Variants in AASDH observed in about 807,000 individuals in gnomAD.
AASDH encodes the protein beta-alanine-activating enzyme.
A neutral mutation model predicts 102.3 loss-of-function variants in AASDH; 81 were observed. That is an observed-to-expected ratio of 0.79 (90% CI 0.66 to 0.95). AASDH has a LOEUF of 0.95. Ranked by LOEUF, AASDH falls within the 40% of genes least tolerant of loss-of-function variation. The pLI, the probability that AASDH is intolerant of heterozygous loss-of-function variation, is 0.00. For synonymous variants in AASDH, 398 were observed against 454.0 expected, an observed-to-expected ratio of 0.88 and a Z score of 1.57; for missense variants, 1,203 against 1,266.2, an observed-to-expected ratio of 0.95 and a Z score of 0.76.
rs936686631 is a variant in AASDH at position 56,343,666 on chromosome 4, T to C, written c.2671A>G (p.Lys891Glu). 2 of 1,608,752 alleles carry C rather than the reference T, an allele frequency of 1.2e-6. No individual in the cohort carries two copies. The highest frequency in any genetic ancestry group is 1.7e-6 in the Non-Finnish European group (2 of 1,177,928). ...AAGACAGTTCCTCCACATTTTGACT[T>C]CCAAACACACTTCTTTCTCTGCAAA... ...LDIYRKKCVW[K>E]SKCGGTVFSS... Residue 891 changes from lysine to glutamate, a missense_variant, in exon 13 of 15, where the codon AAG (lysine) becomes GAG (glutamate). By Grantham distance (56) the Lys-to-Glu change is moderately conservative. Transcript: ENST00000205214.
intron 5 of AASDH, among the ~76,000 whole-genome samples, chr4:56,368,254 C>T (rs1272827357): frequency 1.3e-5 from 2 of 152,168 alleles, no homozygotes; most frequent in African/African-American, 2.4e-5. Flanking sequence ...AATAGGAACA[C>T]TTTTACACTG....
At chr4:56,344,397 C>A (rs1309214012) in intron 12 of AASDH, among the ~76,000 whole-genome samples, 1 of 152,072 alleles carries the variant, frequency 6.6e-6, no homozygotes, top group Non-Finnish European at 1.5e-5. Flanking sequence ...TTATTAAATT[C>A]ATGAACTATT....
chr4:56,376,105 C>A (rs11133438), intron 4 of AASDH, among the ~76,000 whole-genome samples: 2 of 149,874 alleles, frequency 1.3e-5, no homozygotes, highest in Admixed American at 1.3e-4. Context: ...ATCACTGCAG[C>A]CTTGACCTCC....
intron 5 of AASDH, among the ~76,000 whole-genome samples, chr4:56,364,379 T>C (rs951757715): frequency 2.6e-5 from 4 of 151,974 alleles, no homozygotes; most frequent in Admixed American, 2.6e-4. Flanking sequence ...ACCACAAAGA[T>C]ACTCTTCAAG....
At chr4:56,351,917 CA>C (rs34850926) in intron 9 of AASDH, among the ~76,000 whole-genome samples, 34,787 of 99,238 alleles carry the variant, frequency 0.35, 4,285 homozygotes, top group East Asian at 0.49. Context: ...ACCCTATCTC[CA>C]AAAAAAAAAA....
At chr4:56,355,575 G>A (rs1353808060) in intron 5 of AASDH, 152 bp from the exon 6 acceptor site, 3 of 568,066 alleles carry the variant, frequency 5.3e-6, no homozygotes, top group Non-Finnish European at 5.8e-6. Context: ...AAAACTACTG[G>A]TGCAACATTA....
chr4:56,378,442 G>A lies in AASDH; in HGVS notation c.374C>T (p.Thr125Ile), dbSNP rs199904299. 15 of 1,599,290 alleles carry A rather than the reference G, an allele frequency of 9.4e-6. No individual in the cohort carries two copies. In the East Asian group the frequency reaches 2.5e-4, roughly 26 times the overall value. ...TGTAAATGTATCATAGTTCAATAAT[G>A]TTTCATGAAAAGATTTAAATTTCTG... ...QINKFKSFHE[T>I]LLNYDTFTVE... The change falls in exon 4 of 15, where the codon ACA (threonine) becomes ATA (isoleucine). Residue 125 changes from threonine to isoleucine, a missense_variant. Coordinates refer to ENST00000205214, the MANE Select transcript of AASDH (RefSeq NM_181806.4).
chr4:56,350,807 G>A (rs1422852764), intron 10 of AASDH, among the ~76,000 whole-genome samples: 1 of 152,056 alleles, frequency 6.6e-6, no homozygotes, highest in Non-Finnish European at 1.5e-5. Flanking sequence ...TCTATTTTTA[G>A]ACAAGGCTAC....
At chr4:56,338,932 T>C in intron 14 of AASDH, 141 bp from the exon 15 acceptor site, 2 of 833,950 alleles carry the variant, frequency 2.4e-6, no homozygotes, top group South Asian at 3.8e-5. Flanking sequence ...AATGGCTTTT[T>C]CTGAAAAGTA....
At position 56,338,772 on chromosome 4, in the gene AASDH, C is replaced by T. The variant is rs1747229780; in HGVS notation, c.2927G>A (p.Ser976Asn). ...ACACGGGGATGAAAAGATTGGTCCACTGGTAGAGAACTGCCAAACCTATAA... is the reference window on the plus strand; with the variant it reads ...ACACGGGGATGAAAAGATTGGTCCATTGGTAGAGAACTGCCAAACCTATAA... ...FGEQVWQFST[S>N]GPIFSSPCTS... Residue 976 changes from serine to asparagine, a missense_variant, in exon 15 of 15, where the codon AGT (serine) becomes AAT (asparagine). By Grantham distance (46) the Ser-to-Asn change is conservative (BLOSUM62 1). Transcript: ENST00000205214. 4.3e-6 allele frequency: 7 copies of T among 1,614,024 alleles called. No individual in the cohort carries two copies. The highest frequency in any genetic ancestry group is 5.9e-6 in the Non-Finnish European group (7 of 1,179,996).
intron 11 of AASDH, among the ~76,000 whole-genome samples, chr4:56,346,825 T>A (rs976362962): frequency 3.3e-5 from 5 of 152,044 alleles, no homozygotes; most frequent in Non-Finnish European, 7.4e-5. Context: ...GGCAGATCGC[T>A]TGAGCCCAGG....
intron 5 of AASDH, chr4:56,356,318 T>C (rs1466465368): frequency 1.2e-5 from 17 of 1,412,998 alleles, no homozygotes; most frequent in African/African-American, 7.1e-5. Context: ...CTCTATCAGG[T>C]TGCAGCGGCA....
chr4:56,358,775 G>A (rs1749925159), intron 5 of AASDH, among the ~76,000 whole-genome samples: 1 of 152,048 alleles, frequency 6.6e-6, no homozygotes, highest in Non-Finnish European at 1.5e-5. Flanking sequence ...ATGTGCCAAT[G>A]TGCTTAAAAA....
At chr4:56,380,096 T>C (rs1384887011) in intron 3 of AASDH, among the ~76,000 whole-genome samples, 3 of 152,222 alleles carry the variant, frequency 2.0e-5, no homozygotes, top group African/African-American at 7.2e-5. Context: ...GGATATACTA[T>C]ATGGTCCTGA....
intron 1 of AASDH, among the ~76,000 whole-genome samples, chr4:56,385,202 AC>A (rs1343346913): frequency 6.6e-6 from 1 of 152,174 alleles, no homozygotes; most frequent in Non-Finnish European, 1.5e-5. Context: ...AAAGCAAAAA[AC>A]CCTATTCCTA....
rs183549178 is a variant in AASDH, at chr4:56,349,868, T to A, written c.1883A>T (p.Gln628Leu). 1.9e-6 allele frequency: 3 copies of A among 1,614,180 alleles called. No individual in the cohort carries two copies. The East Asian group carries it at 6.7e-5, about 36-fold the overall frequency. ...CACATCTTCATCTGGAACCACTGTT[T>A]GAAGGATGTGATTATAAATCTCTAA... The part of the protein sequence containing the change: ...SILEIYNHIL[Q>L]TVVPDEDVTF... Residue 628 changes from glutamine (Q) to leucine (L), a missense_variant, in exon 11 of 15, where the codon CAA (glutamine) becomes CTA (leucine). Gln to Leu is a moderately radical substitution (Grantham distance 113, BLOSUM62 -2). Transcript: ENST00000205214.
intron 5 of AASDH, among the ~76,000 whole-genome samples, chr4:56,366,398 C>T (rs143457917): frequency 6.6e-6 from 1 of 152,238 alleles, no homozygotes; most frequent in East Asian, 1.9e-4. Context: ...GATAGCAAAG[C>T]CTGGCAGAGA....
rs534584864 is a variant in AASDH, at chr4:56,351,159, T to A, written c.1692+183A>T. ...TTTCTTTGTCGGAAACTTAATCTAGTCTTATAGTAGAGAATCTAACCTTCA... is the reference window on the plus strand; with the variant it reads ...TTTCTTTGTCGGAAACTTAATCTAGACTTATAGTAGAGAATCTAACCTTCA... On this transcript the variant is annotated intron_variant, in intron 10 of 14. Coordinates refer to ENST00000205214, the MANE Select transcript of AASDH (RefSeq NM_181806.4). Among the ~76,000 whole-genome samples the A allele has an allele frequency of 2.6e-5, 4 of 152,312 alleles. No homozygotes were observed. The East Asian group carries it at 7.7e-4, about 29-fold the overall frequency.
chr4:56,351,952 G>T (rs1749073359), intron 9 of AASDH, among the ~76,000 whole-genome samples: 1 of 150,396 alleles, frequency 6.6e-6, no homozygotes, highest in African/African-American at 2.4e-5. Flanking sequence ...AAGGAAAAAA[G>T]GAGCTAATAT....
Sources: allele counts gnomAD v4.1 joint callset (sites outside exome capture counted in the v4.1 genomes callset), GRCh38; gene constraint gnomAD v4.1.1; transcripts MANE v1.5; gene names NCBI Gene and HGNC (gene_info 2026-07-23, HGNC 2026-07-21).